Variants in PCGF5 observed in about 807,000 individuals in gnomAD.
PCGF5 encodes polycomb group ring finger 5, also known as polycomb group RING finger protein 5.
Under a neutral mutation model 44.3 loss-of-function variants are expected in PCGF5, and 9 were observed. The ratio of observed to expected loss-of-function variants is 0.20; its 90% CI spans 0.12 to 0.35. The LOEUF (loss-of-function observed/expected upper bound fraction) is 0.35, where lower values mean the gene tolerates loss of function less well. Among genes scored for constraint, PCGF5 ranks in the 10% least tolerant of loss-of-function variants. The pLI is 1.00. For synonymous variants in PCGF5, 95 were observed against 102.5 expected (o/e 0.93, Z 0.44); for missense variants, 146 against 305.3 (o/e 0.48, Z 3.89).
chr10:91,274,819 A>G (rs1157753162), intron 9 of PCGF5, among the ~76,000 whole-genome samples: 1 of 152,188 alleles, frequency 6.6e-6, no homozygotes, highest in Admixed American at 6.5e-5. Flanking sequence ...ATGTCTGGTT[A>G]TTTGAGAATT....
chr10:91,242,562 C>T (rs922581548), intron 3 of PCGF5, among the ~76,000 whole-genome samples: 2 of 152,020 alleles, frequency 1.3e-5, no homozygotes, highest in Non-Finnish European at 2.9e-5. Context: ...TAATCAAACC[C>T]GCTCCCTTGG....
At position 91,209,801 on chromosome 10, in the gene PCGF5, ACG is replaced by A. The variant is rs1403182970; in HGVS notation, c.-183-12887_-183-12886del. ...GAAAAAAAAAAAAAAAAAAAGAAAA[ACG>A]AAGAAAGGAATTGGAGGATATCTGC... On this transcript the variant is annotated intron_variant, in intron 1 of 9. Coordinates refer to the PCGF5 transcript ENST00000614189. 1.4e-3 allele frequency among the ~76,000 whole-genome samples: 183 copies of A among 130,556 alleles called. 69 individuals carry two copies. The highest frequency in any genetic ancestry group is 3.9e-3 in the Middle Eastern group (1 of 254). 85.6% of individuals were successfully genotyped at this position (130,556 alleles called of 152,430 possible).
upstream of PCGF5, among the ~76,000 whole-genome samples, chr10:91,158,902 T>TA (rs1843348645): frequency 6.6e-6 from 1 of 152,226 alleles, no homozygotes; most frequent in African/African-American, 2.4e-5. Context: ...ACTTGTAACC[T>TA]AAACAGTTGA....
chr10:91,272,905 A>G (rs1031411945), intron 9 of PCGF5, among the ~76,000 whole-genome samples: 4 of 152,278 alleles, frequency 2.6e-5, no homozygotes, highest in East Asian at 1.9e-4. Context: ...CTTAACTGGC[A>G]TACTTACCTC....
chr10:91,253,543 A>G (rs1440754434), intron 6 of PCGF5, among the ~76,000 whole-genome samples: 1 of 152,080 alleles, frequency 6.6e-6, no homozygotes, highest in Non-Finnish European at 1.5e-5. Flanking sequence ...CTTTGGTCCA[A>G]ACATGCAGTT....
chr10:91,261,906 C>G (rs1462564368), intron 7 of PCGF5, among the ~76,000 whole-genome samples: 1 of 152,176 alleles, frequency 6.6e-6, no homozygotes, highest in Non-Finnish European at 1.5e-5. Flanking sequence ...CATATTATAG[C>G]TGCATAAATG....
At chr10:91,165,514 G>A (rs1329957845) in intron 1 of PCGF5, among the ~76,000 whole-genome samples, 1 of 152,120 alleles carries the variant, frequency 6.6e-6, no homozygotes, top group African/African-American at 2.4e-5. Flanking sequence ...TTTTGTTTGA[G>A]GCAGGGTCTC....
rs199729122 is a variant in PCGF5, at chr10:91,206,238, G to A, written c.-183-16451G>A. Among the ~76,000 whole-genome samples the A allele has an allele frequency of 1.1e-4, 16 of 152,120 alleles. No homozygotes were observed. In the East Asian group the frequency reaches 1.9e-3, roughly 18 times the overall value. On this transcript the variant is annotated intron_variant, in intron 1 of 9. Coordinates refer to the PCGF5 transcript ENST00000614189. Reference sequence around the variant, plus strand: ...GTCAAGGAGCTGAACAGCAGAACTCGGAGAAAAAGCAGGTTTGATTAAAGG... The same window carrying A: ...GTCAAGGAGCTGAACAGCAGAACTCAGAGAAAAAGCAGGTTTGATTAAAGG...
upstream of PCGF5, among the ~76,000 whole-genome samples, chr10:91,162,631 C>A (rs1201747131): frequency 6.6e-6 from 1 of 151,856 alleles, no homozygotes; most frequent in Non-Finnish European, 1.5e-5. Context: ...CACGCCCGCC[C>A]GGGGCAGCCG....
intron 1 of PCGF5, among the ~76,000 whole-genome samples, chr10:91,190,672 A>G (rs763912378): frequency 1.2e-4 from 19 of 152,190 alleles, no homozygotes; most frequent in South Asian, 2.1e-4. Context: ...AAATAAACCA[A>G]TTTCTTGATT....
chr10:91,184,755 A>G (rs559505359), intron 1 of PCGF5, among the ~76,000 whole-genome samples: 55 of 151,324 alleles, frequency 3.6e-4, no homozygotes, highest in Non-Finnish European at 6.8e-4. Context: ...AAATCTGGCT[A>G]CTTTTCTGTA....
At chr10:91,164,118 ACG>A (rs151198194) in intron 1 of PCGF5, among the ~76,000 whole-genome samples, 5,954 of 152,252 alleles carry the variant, frequency 0.039, 206 homozygotes, top group East Asian at 0.17. Context: ...GGGTACACAC[ACG>A]CGCGCGTACT....
intron 1 of PCGF5, among the ~76,000 whole-genome samples, chr10:91,181,949 C>T (rs1251910885): frequency 6.6e-6 from 1 of 152,052 alleles, no homozygotes; most frequent in African/African-American, 2.4e-5. Context: ...GGTAGCAGCT[C>T]TTCTTTGTAC....
At chr10:91,178,945 C>T (rs1025374972) in intron 1 of PCGF5, among the ~76,000 whole-genome samples, 1 of 152,188 alleles carries the variant, frequency 6.6e-6, no homozygotes, top group Admixed American at 6.5e-5. Flanking sequence ...TCTATCTCAA[C>T]ATCTTTTGGG....
chr10:91,232,793 G>A (rs1487198324), intron 2 of PCGF5, among the ~76,000 whole-genome samples: 3 of 152,288 alleles, frequency 2.0e-5, no homozygotes, highest in South Asian at 2.1e-4. Context: ...AGTGGAGAGT[G>A]AGGATGGAGG....
chr10:91,203,855 C>A (rs940601874), intron 1 of PCGF5, among the ~76,000 whole-genome samples: 2 of 151,994 alleles, frequency 1.3e-5, no homozygotes, highest in South Asian at 2.1e-4. Flanking sequence ...AAGTTTTAAA[C>A]CTGATTGTTT....
chr10:91,227,441 A>G, intron 2 of PCGF5: 1 of 1,289,436 alleles, frequency 7.8e-7, no homozygotes, highest in East Asian at 5.6e-5. Context: ...TATCCAAGCA[A>G]GAAATATGCT....
At chr10:91,269,465 T>C (rs1846124845) in intron 8 of PCGF5, among the ~76,000 whole-genome samples, 1 of 152,208 alleles carries the variant, frequency 6.6e-6, no homozygotes, top group Admixed American at 6.5e-5. Flanking sequence ...TTTAATACAT[T>C]AATAATAACT....
chr10:91,162,303 G>A (rs1048848208), upstream of PCGF5, among the ~76,000 whole-genome samples: 83 of 150,414 alleles, frequency 5.5e-4, 1 homozygote, highest in South Asian at 6.2e-3. Flanking sequence ...CTGGTGGGGT[G>A]GCGGGGGTGG....
Sources: allele counts gnomAD v4.1 joint callset (sites outside exome capture counted in the v4.1 genomes callset), GRCh38; gene constraint gnomAD v4.1.1; transcripts MANE v1.5; gene names NCBI Gene and HGNC (gene_info 2026-07-23, HGNC 2026-07-21).